Variants in ATP6V1H observed in about 807,000 individuals in gnomAD.
ATP6V1H encodes V-type proton ATPase subunit H.
A neutral mutation model predicts 71.7 loss-of-function variants in ATP6V1H; 39 were observed. The observed-to-expected ratio is 0.54, with a 90% CI of 0.42 to 0.71. The LOEUF (loss-of-function observed/expected upper bound fraction) is 0.71, where lower values mean the gene tolerates loss of function less well. ATP6V1H is among the 30% of genes least tolerant of loss of function. The pLI is 0.00. For synonymous variants in ATP6V1H, 192 were observed against 199.3 expected (o/e 0.96, Z 0.31); for missense variants, 509 against 594.9 (o/e 0.86, Z 1.50).
At position 53,819,585 on chromosome 8, in the gene ATP6V1H, T is replaced by TATAA. The variant is rs1451338810; in HGVS notation, c.307-2056_307-2055insTTAT. 1.1e-3 allele frequency among the ~76,000 whole-genome samples: 93 copies of TATAA among 83,548 alleles called. 4 individuals carry two copies. Among genetic ancestry groups the TATAA allele is most frequent in the East Asian group, 7.0e-3 (12 of 1,712 alleles). 54.8% of individuals were successfully genotyped at this position (83,548 alleles called of 152,430 possible). A position where few individuals can be genotyped will look rare whatever the true frequency, so the allele number is the denominator to read the frequency against. On this transcript the variant is annotated intron_variant, in intron 4 of 13. Coordinates refer to ENST00000359530, the MANE Select transcript of ATP6V1H (RefSeq NM_015941.4). ...ATATATATATATATATATATATATA[T>TATAA]AAAATACACACACATACACACATTG... is the stretch of plus-strand genomic sequence containing the variant.
chr8:53,755,732 A>T (rs868013102), intron 12 of ATP6V1H, among the ~76,000 whole-genome samples: 3 of 5,164 alleles, frequency 5.8e-4, no homozygotes, highest in African/African-American at 3.1e-3. Context: ...ATATATATAT[A>T]TATATATATA....
intron 9 of ATP6V1H, among the ~76,000 whole-genome samples, chr8:53,783,914 T>C (rs1457220881): frequency 6.6e-6 from 1 of 152,270 alleles, no homozygotes; most frequent in Non-Finnish European, 1.5e-5. Context: ...AAACAGTTTG[T>C]TATAATTTCT....
At chr8:53,778,796 G>C (rs1249365757) in intron 9 of ATP6V1H, among the ~76,000 whole-genome samples, 2 of 152,180 alleles carry the variant, frequency 1.3e-5, no homozygotes, top group Non-Finnish European at 2.9e-5. Flanking sequence ...ATAGATAAAA[G>C]TTTAAGACCC....
intron 8 of ATP6V1H, 33 bp downstream of exon 8, chr8:53,801,766 T>G: frequency 6.6e-7 from 1 of 1,508,160 alleles, no homozygotes; most frequent in Non-Finnish European, 9.2e-7. Flanking sequence ...TGCTTGTAAA[T>G]GTTATTTTAC....
intron 12 of ATP6V1H, among the ~76,000 whole-genome samples, chr8:53,755,687 TATATATATATATATATATATA>T (rs1807992384): frequency 0.026 from 79 of 3,016 alleles, 7 homozygotes; most frequent in African/African-American, 0.036. Context: ...CCAGCGTACA[TATATATATATATATATATATA>T]TATATATATA....
chr8:53,759,141 C>T (rs1808175279), intron 11 of ATP6V1H, among the ~76,000 whole-genome samples: 1 of 152,350 alleles, frequency 6.6e-6, no homozygotes, highest in East Asian at 1.9e-4. Context: ...TTGAGAAGCA[C>T]AGCCTTAGAG....
intron 1 of ATP6V1H, 140 bp from the exon 2 acceptor site, chr8:53,841,865 A>C (rs2130553221): frequency 1.3e-6 from 1 of 773,666 alleles, no homozygotes; most frequent in East Asian, 3.1e-5. Flanking sequence ...TAAGTCTGAA[A>C]GTATCATTAT....
chr8:53,841,739 G>A lies in ATP6V1H; in HGVS notation c.-35-14C>T, dbSNP rs781315580. 6.2e-7 allele frequency: 1 copy of A among 1,602,262 alleles called. No individual in the cohort carries two copies. Among genetic ancestry groups the A allele is most frequent in the South Asian group, 1.1e-5 (1 of 89,194 alleles). ...CTTTCAACAAATCTTCAATTTTGAT[G>A]CAAGGTAAAAACAGAATACGAGGTG... On this transcript the variant is annotated splice_polypyrimidine_tract_variant and intron_variant, in intron 1 of 13. Coordinates refer to ENST00000359530, the MANE Select transcript of ATP6V1H (RefSeq NM_015941.4).
chr8:53,751,410 C>G (rs1310107212), intron 12 of ATP6V1H, among the ~76,000 whole-genome samples: 1 of 152,200 alleles, frequency 6.6e-6, no homozygotes, highest in Admixed American at 6.5e-5. Flanking sequence ...CGTGATGTGC[C>G]TATTCACCAT....
In ATP6V1H at chr8:53,786,116, T is replaced by G. The variant is rs112390037; in HGVS notation, c.870+9531A>C. 5.9e-5 allele frequency among the ~76,000 whole-genome samples: 9 copies of G among 152,328 alleles called. 1 individual carries two copies. Among genetic ancestry groups the G allele is most frequent in the African/African-American group, 2.2e-4 (9 of 41,582 alleles). The stretch of plus-strand genomic sequence containing the variant: ...AGAGGTTACTGCTGCCTTTTGTTTG[T>G]CTGTGCCATGCCCCCAGAGGTGGAG... On this transcript the variant is annotated intron_variant, in intron 9 of 13. Coordinates refer to ENST00000359530, the MANE Select transcript of ATP6V1H (RefSeq NM_015941.4).
intron 8 of ATP6V1H, among the ~76,000 whole-genome samples, chr8:53,796,560 T>A (rs1809747989): frequency 6.6e-6 from 1 of 150,584 alleles, no homozygotes; most frequent in Non-Finnish European, 1.5e-5. Context: ...AAAGTGACCT[T>A]CATATTGGAG....
chr8:53,769,148 A>G (rs938893341), intron 11 of ATP6V1H, among the ~76,000 whole-genome samples: 4 of 152,172 alleles, frequency 2.6e-5, no homozygotes, highest in African/African-American at 9.7e-5. Context: ...GTTAAACAAT[A>G]AAGCTTCTAG....
At chr8:53,771,789 C>T (rs1435279838) in intron 10 of ATP6V1H, among the ~76,000 whole-genome samples, 200 bp downstream of exon 10, 2 of 152,074 alleles carry the variant, frequency 1.3e-5, no homozygotes, top group African/African-American at 2.4e-5. Context: ...TGGGAATCTC[C>T]GTAAATAAGA....
At chr8:53,735,784 T>C (rs998641577) in intron 13 of ATP6V1H, among the ~76,000 whole-genome samples, 1 of 152,106 alleles carries the variant, frequency 6.6e-6, no homozygotes, top group African/African-American at 2.4e-5. Flanking sequence ...AAAAGTAAAA[T>C]CTAATTTCTC....
At chr8:53,786,043 G>A (rs904770382) in intron 9 of ATP6V1H, among the ~76,000 whole-genome samples, 18 of 152,340 alleles carry the variant, frequency 1.2e-4, no homozygotes, top group African/African-American at 4.3e-4. Flanking sequence ...CGTGCTGGGA[G>A]AACCACTACT....
intron 2 of ATP6V1H, among the ~76,000 whole-genome samples, chr8:53,840,425 G>A (rs769898904): frequency 6.6e-6 from 1 of 151,900 alleles, no homozygotes. Flanking sequence ...TTGAACCCGG[G>A]AGGCGGAGGA....
intron 11 of ATP6V1H, among the ~76,000 whole-genome samples, chr8:53,757,188 T>A (rs1365371032): frequency 6.6e-6 from 1 of 152,174 alleles, no homozygotes; most frequent in East Asian, 1.9e-4. Flanking sequence ...CACCATCCTG[T>A]CACCTTGCCC....
chr8:53,766,291 C>A (rs995848944), intron 11 of ATP6V1H, among the ~76,000 whole-genome samples: 2 of 152,216 alleles, frequency 1.3e-5, no homozygotes, highest in African/African-American at 4.8e-5. Context: ...GTAAAGATTT[C>A]ATGGACACTT....
intron 4 of ATP6V1H, among the ~76,000 whole-genome samples, chr8:53,819,582 AT>A (rs1563481379): frequency 0.01 from 1,272 of 125,432 alleles, 137 homozygotes; most frequent in East Asian, 0.033. Context: ...ATATATATAT[AT>A]ATAAAATACA....
Sources: gnomAD v4.1 joint callset for allele counts (sites outside exome capture counted in the v4.1 genomes callset) on GRCh38, gnomAD v4.1.1 for gene constraint, MANE v1.5 for transcripts, NCBI Gene and HGNC (gene_info 2026-07-23, HGNC 2026-07-21) for gene names.